Variants in MFHAS1 observed in about 807,000 individuals in gnomAD.
The protein encoded by MFHAS1 is multifunctional ROCO family signaling regulator 1.
Under a neutral mutation model 70.4 loss-of-function variants are expected in MFHAS1, and 50 were observed. The ratio of observed to expected loss-of-function variants is 0.71; its 90% CI spans 0.57 to 0.90. The LOEUF (loss-of-function observed/expected upper bound fraction) is 0.90, where lower values mean the gene tolerates loss of function less well. Ranked by LOEUF, MFHAS1 falls within the 40% of genes least tolerant of loss-of-function variation. The pLI is 0.00. For synonymous variants in MFHAS1, 952 were observed against 620.0 expected (o/e 1.54, Z -7.96); for missense variants, 1,795 against 1,347.6 (o/e 1.33, Z -5.20).
intron 1 of MFHAS1, among the ~76,000 whole-genome samples, chr8:8,823,354 T>C (rs1343286493): frequency 6.6e-6 from 1 of 152,128 alleles, no homozygotes; most frequent in Non-Finnish European, 1.5e-5. Context: ...TGGGCATCGC[T>C]GCCAGAACAA....
At chr8:8,889,443 G>A (rs1809900963) in intron 1 of MFHAS1, among the ~76,000 whole-genome samples, 1 of 152,304 alleles carries the variant, frequency 6.6e-6, no homozygotes, top group African/African-American at 2.4e-5. Context: ...CTTAAGAAAA[G>A]TGAGCAGTAA....
rs1370064702 is a variant in MFHAS1, at chr8:8,892,063, G to C, written c.996C>G (p.Arg332=). The change falls in exon 1 of 3, where the codon CGC becomes CGG. Residue 332 remains arginine, a synonymous_variant. Coordinates refer to ENST00000276282, the MANE Select transcript of MFHAS1 (RefSeq NM_004225.3). This position sits in a 1 kb window ranked among gnomAD's most constrained non-coding sequence, Gnocchi z 4.7. ...GCTCCACGATGGAGTCCGGCAGGTA[G>C]CGGATGCGGTTATTATCCAGCCACA... is the stretch of plus-strand genomic sequence containing the variant. The part of the protein sequence containing the change: ...LTLWLDNNRI[R]YLPDSIVELT... The C allele has an allele frequency of 2.5e-6, 4 of 1,613,388 alleles. No homozygotes were observed. The highest frequency in any genetic ancestry group is 3.4e-6 in the Non-Finnish European group (4 of 1,180,024).
chr8:8,851,487 C>A (rs542248371), intron 1 of MFHAS1, among the ~76,000 whole-genome samples: 1 of 152,130 alleles, frequency 6.6e-6, no homozygotes, highest in Admixed American at 6.5e-5. Flanking sequence ...TCAAACTCTA[C>A]GTGTGGAGTT....
chr8:8,855,057 G>T (rs74364124), intron 1 of MFHAS1, among the ~76,000 whole-genome samples: 1,640 of 152,114 alleles, frequency 0.011, 27 homozygotes, highest in African/African-American at 0.037. Context: ...CCACAGTCGT[G>T]GTCCTCCCTC....
rs1585013119 is a variant in MFHAS1, at chr8:8,786,196, A to C, written c.3126-141T>G. ...TCTACTTCCAGGACTCATTATAAAC[A>C]TGTAAATGTCAGGCAACTTATGTCC... is the stretch of plus-strand genomic sequence containing the variant. On this transcript the variant is annotated intron_variant, in intron 2 of 2. Coordinates refer to ENST00000276282, the MANE Select transcript of MFHAS1 (RefSeq NM_004225.3). 5 of 786,642 alleles carry C rather than the reference A, an allele frequency of 6.4e-6. No individual in the cohort carries two copies. In the East Asian group the frequency reaches 1.3e-4, roughly 20 times the overall value. The allele number at this position is 786,642 out of a possible 1,614,324, so 48.7% of individuals were successfully genotyped here.
chr8:8,877,977 T>C (rs1047864220), intron 1 of MFHAS1, among the ~76,000 whole-genome samples: 4 of 152,210 alleles, frequency 2.6e-5, no homozygotes, highest in Non-Finnish European at 5.9e-5. Context: ...GCCTTTTAAA[T>C]GGCATTCTAA....
chr8:8,876,045 G>A (rs899049198), intron 1 of MFHAS1, among the ~76,000 whole-genome samples: 2 of 152,152 alleles, frequency 1.3e-5, no homozygotes, highest in African/African-American at 4.8e-5. Context: ...TGTACCTTCT[G>A]GAATGGTGGA....
chr8:8,816,841 C>G (rs189061833), intron 1 of MFHAS1, among the ~76,000 whole-genome samples: 5 of 152,180 alleles, frequency 3.3e-5, no homozygotes, highest in African/African-American at 4.8e-5. Flanking sequence ...CATGTAAGAG[C>G]TGACATTTAG....
intron 1 of MFHAS1, among the ~76,000 whole-genome samples, chr8:8,883,912 T>C (rs901424323): frequency 6.6e-6 from 1 of 151,342 alleles, no homozygotes; most frequent in Non-Finnish European, 1.5e-5. Context: ...AAATAAAAAA[T>C]ACTGGTTGGG....
intron 1 of MFHAS1, among the ~76,000 whole-genome samples, chr8:8,880,295 T>C (rs1361892265): frequency 6.6e-6 from 1 of 152,250 alleles, no homozygotes; most frequent in Non-Finnish European, 1.5e-5. Flanking sequence ...CCAATGTATC[T>C]GCCCCACCCC....
chr8:8,804,487 A>G (rs2117270883), intron 1 of MFHAS1, among the ~76,000 whole-genome samples: 1 of 152,372 alleles, frequency 6.6e-6, no homozygotes, highest in Non-Finnish European at 1.5e-5. Flanking sequence ...AAGTCTTAGC[A>G]GTCACAGAGT....
chr8:8,885,069 C>T (rs1366546741), intron 1 of MFHAS1, among the ~76,000 whole-genome samples: 1 of 152,104 alleles, frequency 6.6e-6, no homozygotes, highest in African/African-American at 2.4e-5. Context: ...TCAGAAGCAG[C>T]AAGTGAACAA....
intron 1 of MFHAS1, among the ~76,000 whole-genome samples, chr8:8,817,109 C>T (rs992372629): frequency 1.3e-5 from 2 of 152,148 alleles, no homozygotes; most frequent in African/African-American, 2.4e-5. Context: ...AGTATAGAAG[C>T]ACACAGCAAT....
At chr8:8,818,414 G>T (rs1806824701) in intron 1 of MFHAS1, among the ~76,000 whole-genome samples, 1 of 152,192 alleles carries the variant, frequency 6.6e-6, no homozygotes, top group Non-Finnish European at 1.5e-5. Context: ...GAGCTACAGA[G>T]ATTTCTATTT....
intron 1 of MFHAS1, among the ~76,000 whole-genome samples, chr8:8,820,590 G>C (rs182273977): frequency 1.3e-5 from 2 of 151,868 alleles, no homozygotes; most frequent in Admixed American, 1.3e-4. Context: ...TTTTTTTCAT[G>C]GAATCCCCCA....
At chr8:8,854,871 A>C (rs1329558163) in intron 1 of MFHAS1, among the ~76,000 whole-genome samples, 1 of 152,010 alleles carries the variant, frequency 6.6e-6, no homozygotes, top group Admixed American at 6.6e-5. Context: ...TTAACTGGCT[A>C]TCCTGTTTTT....
intron 1 of MFHAS1, among the ~76,000 whole-genome samples, chr8:8,801,299 G>T (rs979401321): frequency 1.3e-5 from 2 of 152,132 alleles, no homozygotes; most frequent in Admixed American, 1.3e-4. Flanking sequence ...GACTGTCCAC[G>T]TCACACAGAG....
At chr8:8,876,114 A>T (rs532451091) in intron 1 of MFHAS1, among the ~76,000 whole-genome samples, 1 of 152,190 alleles carries the variant, frequency 6.6e-6, no homozygotes, top group Non-Finnish European at 1.5e-5. Context: ...CTAAGCATTT[A>T]ACACATATAA....
At chr8:8,886,541 A>G (rs1229399567) in intron 1 of MFHAS1, among the ~76,000 whole-genome samples, 1 of 152,220 alleles carries the variant, frequency 6.6e-6, no homozygotes, top group Middle Eastern at 3.2e-3. Flanking sequence ...CAACTACAGT[A>G]GGGCAGCTCA....
Sources: gnomAD v4.1 joint callset for allele counts (sites outside exome capture counted in the v4.1 genomes callset) on GRCh38, gnomAD v4.1.1 for gene constraint, Gnocchi (gnomAD v3.1) non-coding constraint, MANE v1.5 for transcripts, NCBI Gene and HGNC (gene_info 2026-07-23, HGNC 2026-07-21) for gene names.